NRXN1: variants seen among roughly 807,000 people sequenced by gnomAD.
The protein encoded by NRXN1 is neurexin-1.
Under a neutral mutation model 150.9 loss-of-function variants are expected in NRXN1, and 39 were observed. That is an observed-to-expected ratio of 0.26 (90% CI 0.20 to 0.34). NRXN1 has a LOEUF of 0.34. Among genes scored for constraint, NRXN1 ranks in the 10% least tolerant of loss-of-function variants. The pLI, the probability that NRXN1 is intolerant of heterozygous loss-of-function variation, is 1.00. For synonymous variants in NRXN1, 924 were observed against 757.0 expected (o/e 1.22, Z -3.62); for missense variants, 1,815 against 1,949.9 (o/e 0.93, Z 1.30).
intron 17 of NRXN1, among the ~76,000 whole-genome samples, chr2:50,378,278 G>C (rs549795437): frequency 6.6e-6 from 1 of 152,274 alleles, no homozygotes; most frequent in South Asian, 2.1e-4. Context: ...AGTAGATGCT[G>C]ATATTCATTG....
intron 15 of NRXN1, among the ~76,000 whole-genome samples, chr2:50,472,881 G>A (rs2104712369): frequency 6.7e-6 from 1 of 150,298 alleles, no homozygotes; most frequent in East Asian, 2.0e-4. Context: ...TTCTAAAATG[G>A]GAACAATAAA....
At chr2:50,005,443 T>C (rs1372244418) in intron 21 of NRXN1, among the ~76,000 whole-genome samples, 1 of 152,146 alleles carries the variant, frequency 6.6e-6, no homozygotes, top group Non-Finnish European at 1.5e-5. Flanking sequence ...GTCAACTGCT[T>C]TCCTACAGGC....
intron 17 of NRXN1, among the ~76,000 whole-genome samples, chr2:50,373,711 G>GAAAGAAAA (rs71404950): frequency 1.2e-5 from 1 of 86,250 alleles, no homozygotes; most frequent in African/African-American, 4.3e-5. Flanking sequence ...AAGAAAGAAA[G>GAAAGAAAA]AGAAAGAAAG....
chr2:50,225,433 C>T (rs143514194), intron 18 of NRXN1, among the ~76,000 whole-genome samples: 367 of 152,038 alleles, frequency 2.4e-3, no homozygotes, highest in African/African-American at 8.5e-3. Context: ...GAAGAGTTTA[C>T]AATTTAATGG....
intron 17 of NRXN1, among the ~76,000 whole-genome samples, chr2:50,260,025 A>G (rs2068091441): frequency 6.6e-6 from 1 of 151,856 alleles, no homozygotes; most frequent in African/African-American, 2.4e-5. Flanking sequence ...GGAGAGAAGG[A>G]AATCCATCAC....
At chr2:50,791,494 A>G (rs1338342763) in intron 5 of NRXN1, among the ~76,000 whole-genome samples, 3 of 152,094 alleles carry the variant, frequency 2.0e-5, no homozygotes, top group Admixed American at 6.6e-5. Flanking sequence ...ATATGGGCTC[A>G]TCTTCTCGCC....
At chr2:50,642,861 T>C (rs1684267900) in intron 5 of NRXN1, among the ~76,000 whole-genome samples, 1 of 151,950 alleles carries the variant, frequency 6.6e-6, no homozygotes, top group Non-Finnish European at 1.5e-5. Context: ...CCAATATGTG[T>C]GGAGGAAAAG....
At chr2:50,110,826 A>G (rs1401982558) in intron 18 of NRXN1, among the ~76,000 whole-genome samples, 4 of 152,132 alleles carry the variant, frequency 2.6e-5, no homozygotes, top group South Asian at 4.1e-4. Context: ...AGTACTTCAC[A>G]TTATTAGTTA....
intron 18 of NRXN1, among the ~76,000 whole-genome samples, chr2:50,176,626 G>A (rs2060369554): frequency 1.3e-5 from 2 of 152,090 alleles, no homozygotes; most frequent in African/African-American, 4.8e-5. Flanking sequence ...TGGATAGCAT[G>A]AAAGGATGGC....
chr2:50,454,628 A>G (rs2087342163), intron 17 of NRXN1, among the ~76,000 whole-genome samples: 1 of 150,934 alleles, frequency 6.6e-6, no homozygotes, highest in African/African-American at 2.4e-5. Flanking sequence ...TGACATGTAC[A>G]TATTTTCTTA....
At chr2:50,892,825 T>C (rs146017848) in intron 5 of NRXN1, among the ~76,000 whole-genome samples, 9 of 152,292 alleles carry the variant, frequency 5.9e-5, no homozygotes, top group African/African-American at 2.2e-4. Context: ...CATATGTCAC[T>C]CAATGTTTAT....
chr2:50,813,197 A>G (rs950957754), intron 5 of NRXN1, among the ~76,000 whole-genome samples: 12 of 152,252 alleles, frequency 7.9e-5, no homozygotes, highest in Middle Eastern at 3.4e-3. Context: ...TGTCTCAAAA[A>G]AAAAAAGATA....
At chr2:50,746,460 A>G (rs1393012296) in intron 5 of NRXN1, among the ~76,000 whole-genome samples, 1 of 152,016 alleles carries the variant, frequency 6.6e-6, no homozygotes, top group Non-Finnish European at 1.5e-5. Flanking sequence ...ATGGAAGCTG[A>G]GGCAGAAGGA....
intron 5 of NRXN1, among the ~76,000 whole-genome samples, chr2:50,762,348 T>A (rs2105391836): frequency 6.6e-6 from 1 of 151,988 alleles, no homozygotes; most frequent in South Asian, 2.1e-4. Context: ...TTTCAACTTT[T>A]AATTTTTAAT....
At chr2:50,234,766 T>C (rs1352935888) in intron 18 of NRXN1, among the ~76,000 whole-genome samples, 2 of 151,966 alleles carry the variant, frequency 1.3e-5, no homozygotes, top group Admixed American at 6.6e-5. Context: ...TGTAGAGACA[T>C]GCACTGAATC....
chr2:51,023,706 G>T (rs1396849253), intron 2 of NRXN1, among the ~76,000 whole-genome samples: 5 of 152,058 alleles, frequency 3.3e-5, no homozygotes, highest in East Asian at 1.9e-4. Flanking sequence ...CCATTTTATT[G>T]CTTAAGCCTA....
rs551985600 is a variant in NRXN1 at position 50,942,214 on chromosome 2, G to A, written c.773-16259C>T. Among the ~76,000 whole-genome samples the A allele has an allele frequency of 3.3e-5, 5 of 152,320 alleles. No individual in the cohort carries two copies. The East Asian group carries it at 9.7e-4, about 29-fold the overall frequency. ...TTGGAGCCACTGCCTAGAGATTTCA[G>A]AGGATGTATGGAAACACCTGGATGT... On this transcript the variant is annotated intron_variant, in intron 2 of 22. Coordinates refer to ENST00000401669, the MANE Select transcript of NRXN1 (RefSeq NM_001330078.2).
rs200473527 is a variant in NRXN1, at chr2:50,696,175, CGTGTGTGTGT to C, written c.833-72570_833-72561del. 1,243 of 146,488 alleles carry C rather than the reference CGTGTGTGTGT, an allele frequency of 8.5e-3. 25 individuals carry two copies. The highest frequency in any genetic ancestry group is 0.028 in the African/African-American group (1,112 of 39,338). 9.1% of individuals were successfully genotyped at this position (146,488 alleles called of 1,614,324 possible). ...GAAATTTTAAAAGACAGTACATATA[CGTGTGTGTGT>C]GTGTGTGTGTGTGTGTGTGTGTGTG... On this transcript the variant is annotated intron_variant, in intron 5 of 22. Transcript: ENST00000401669.
At position 50,557,692 on chromosome 2, in the gene NRXN1, T is replaced by TC. The variant is rs531244028; in HGVS notation, c.1321-4668dup. Among the ~76,000 whole-genome samples the TC allele has an allele frequency of 7.9e-5, 12 of 152,328 alleles. No homozygotes were observed. The South Asian group carries it at 2.5e-3, about 32-fold the overall frequency. On this transcript the variant is annotated intron_variant, in intron 8 of 22. Coordinates refer to ENST00000401669, the MANE Select transcript of NRXN1 (RefSeq NM_001330078.2). ...ATGGGTCCTAGCATGGAGTAAGTGA[T>TC]CAAGTAAATACTCATTGTTTTTATT...
Sources: gnomAD v4.1 joint callset for allele counts (sites outside exome capture counted in the v4.1 genomes callset) on GRCh38, gnomAD v4.1.1 for gene constraint, MANE v1.5 for transcripts, NCBI Gene and HGNC (gene_info 2026-07-23, HGNC 2026-07-21) for gene names.